Variants in XRCC4 observed in about 807,000 individuals in gnomAD.
XRCC4 encodes the protein X-ray repair cross complementing 4, also known as DNA repair protein XRCC4.
Under a neutral mutation model 39.1 loss-of-function variants are expected in XRCC4, and 28 were observed. The observed-to-expected ratio is 0.72, with a 90% CI of 0.53 to 0.98. The LOEUF is 0.98. XRCC4 is among the 50% of genes least tolerant of loss of function. The probability of loss-of-function intolerance (pLI) is 0.00; values close to 1 mark genes in which losing one functional copy is unlikely to be tolerated. For missense variants in XRCC4, 350 were observed against 376.4 expected, an observed-to-expected ratio of 0.93 and a Z score of 0.58; for synonymous variants, 123 against 126.4, an observed-to-expected ratio of 0.97 and a Z score of 0.18.
chr5:83,330,310 A>G (rs889420956), intron 7 of XRCC4, among the ~76,000 whole-genome samples: 2 of 152,078 alleles, frequency 1.3e-5, no homozygotes, highest in African/African-American at 4.8e-5. Context: ...ATATTAAAAC[A>G]TTCATAGCAG....
the XRCC4 span, among the ~76,000 whole-genome samples, chr5:83,373,036 G>A: frequency 2.0e-5 from 3 of 151,986 alleles, no homozygotes; most frequent in Non-Finnish European, 2.9e-5. Context: ...CAGTTCTTTC[G>A]GATTCTGAGT....
rs67822741 is a variant in XRCC4 at position 83,332,226 on chromosome 5, T to TACACACACACACACACACAC, written c.894-20883_894-20864dup. ...CTTGAATATGAACATTTCAATCTTCTACACACACACACACACACACACACA... is the reference window on the plus strand; with the variant it reads ...CTTGAATATGAACATTTCAATCTTCTACACACACACACACACACACACACACACACACACACACACACACA... On this transcript the variant is annotated intron_variant, in intron 7 of 7. Coordinates refer to ENST00000396027, the MANE Select transcript of XRCC4 (RefSeq NM_003401.5). Among the ~76,000 whole-genome samples the TACACACACACACACACACAC allele has an allele frequency of 1.1e-4, 15 of 142,036 alleles. 1 individual carries two copies. The East Asian group carries it at 2.5e-3, about 24-fold the overall frequency. 93.2% of individuals were successfully genotyped at this position (142,036 alleles called of 152,430 possible). A position where few individuals can be genotyped will look rare whatever the true frequency, so the allele number is the denominator to read the frequency against.
intron 3 of XRCC4, among the ~76,000 whole-genome samples, chr5:83,129,456 C>T (rs9687039): frequency 2.0e-4 from 31 of 152,110 alleles, no homozygotes; most frequent in African/African-American, 6.7e-4. Context: ...CTTGGCAATG[C>T]GGGCCCTTTT....
At chr5:83,285,753 A>C (rs1295267801) in intron 7 of XRCC4, among the ~76,000 whole-genome samples, 2 of 152,086 alleles carry the variant, frequency 1.3e-5, no homozygotes, top group East Asian at 3.9e-4. Flanking sequence ...AAAAGTAATA[A>C]ATTCAGTTGA....
intron 7 of XRCC4, among the ~76,000 whole-genome samples, chr5:83,311,528 C>T (rs1296083472): frequency 1.3e-5 from 2 of 151,930 alleles, no homozygotes; most frequent in Non-Finnish European, 2.9e-5. Flanking sequence ...ATCCTTAGAA[C>T]CTTTGGCCAC....
chr5:83,210,811 C>A (rs1187917875), intron 6 of XRCC4, among the ~76,000 whole-genome samples: 1 of 152,140 alleles, frequency 6.6e-6, no homozygotes, highest in East Asian at 1.9e-4. Context: ...GAAGTCATCC[C>A]TGTGTATATT....
chr5:83,280,527 T>C lies in XRCC4; in HGVS notation c.893+21850T>C, dbSNP rs1754500195. 2.2e-5 allele frequency: 15 copies of C among 677,392 alleles called. 1 individual carries two copies. In the East Asian group the frequency reaches 4.1e-4, roughly 19 times the overall value. The allele number at this position is 677,392 out of a possible 1,614,324, so 42.0% of individuals were successfully genotyped here. A position where few individuals can be genotyped will look rare whatever the true frequency, so the allele number is the denominator to read the frequency against. On this transcript the variant is annotated intron_variant, in intron 7 of 7. Transcript: ENST00000396027. ...TCAGTATACCACAGGAAGCTAAATA[T>C]CTGACATTCTGCACAGGCCCCTGCA...
intron 6 of XRCC4, among the ~76,000 whole-genome samples, chr5:83,234,720 C>A (rs183050072): frequency 1.3e-5 from 2 of 152,066 alleles, no homozygotes; most frequent in African/African-American, 4.8e-5. Context: ...GTATGATTTA[C>A]CTTGTTTATA....
At chr5:83,079,203 C>T (rs1744821094) in intron 1 of XRCC4, among the ~76,000 whole-genome samples, 1 of 152,164 alleles carries the variant, frequency 6.6e-6, no homozygotes, top group African/African-American at 2.4e-5. Context: ...ACCTGAGCTT[C>T]AAAACAGTAA....
chr5:83,320,227 G>A (rs1756011036), intron 7 of XRCC4, among the ~76,000 whole-genome samples: 2 of 120,076 alleles, frequency 1.7e-5, no homozygotes, highest in African/African-American at 6.2e-5. Context: ...GGAGGGGGGA[G>A]GGATAGCATT....
chr5:83,128,856 G>A (rs1042890038), intron 3 of XRCC4, among the ~76,000 whole-genome samples: 2 of 151,926 alleles, frequency 1.3e-5, no homozygotes, highest in African/African-American at 4.8e-5. Flanking sequence ...TTTAAATTCT[G>A]TGTAGATTCT....
At chr5:83,096,225 G>A (rs2112337224) in intron 1 of XRCC4, among the ~76,000 whole-genome samples, 1 of 152,224 alleles carries the variant, frequency 6.6e-6, no homozygotes, top group South Asian at 2.1e-4. Flanking sequence ...ATCTGCTGTG[G>A]GATAGAGGGT....
intron 6 of XRCC4, among the ~76,000 whole-genome samples, chr5:83,208,651 C>T (rs1030241102): frequency 6.6e-6 from 1 of 151,928 alleles, no homozygotes; most frequent in African/African-American, 2.4e-5. Context: ...ACATCATGCT[C>T]ATATGTACTG....
At chr5:83,125,717 G>A (rs1170904551) in intron 3 of XRCC4, among the ~76,000 whole-genome samples, 3 of 148,548 alleles carry the variant, frequency 2.0e-5, no homozygotes, top group African/African-American at 7.6e-5. Context: ...TGGGCTGGGC[G>A]TCGTGGCACA....
At chr5:83,280,480 T>C (rs936545443) in intron 7 of XRCC4, 4 of 828,812 alleles carry the variant, frequency 4.8e-6, no homozygotes, top group African/African-American at 3.5e-5. Context: ...AATTGAGGTA[T>C]GTAGTAGAAG....
chr5:83,329,941 A>G (rs1306561558), intron 7 of XRCC4, among the ~76,000 whole-genome samples: 1 of 152,104 alleles, frequency 6.6e-6, no homozygotes, highest in Non-Finnish European at 1.5e-5. Context: ...CAATGTATCG[A>G]TGTTAATTTT....
intron 7 of XRCC4, among the ~76,000 whole-genome samples, chr5:83,315,726 GTTGAGAC>G (rs1274088867): frequency 6.6e-6 from 1 of 152,116 alleles, no homozygotes. Flanking sequence ...CAGGCCTACT[GTTGAGAC>G]CTACTGCTCA....
chr5:83,227,703 T>C (rs537379435), intron 6 of XRCC4, among the ~76,000 whole-genome samples: 1 of 152,246 alleles, frequency 6.6e-6, no homozygotes, highest in East Asian at 1.9e-4. Context: ...TGAAGGATTT[T>C]CATAGTTGGA....
intron 1 of XRCC4, among the ~76,000 whole-genome samples, chr5:83,092,369 T>A (rs1745468406): frequency 6.6e-6 from 1 of 152,142 alleles, no homozygotes; most frequent in South Asian, 2.1e-4. Context: ...TGATGTAATC[T>A]CATTTGTCTA....
Sources: gnomAD v4.1 joint callset for allele counts (sites outside exome capture counted in the v4.1 genomes callset) on GRCh38, gnomAD v4.1.1 for gene constraint, MANE v1.5 for transcripts, NCBI Gene and HGNC (gene_info 2026-07-23, HGNC 2026-07-21) for gene names.